Variants in ZMYND11 observed in about 807,000 individuals in gnomAD.
ZMYND11 encodes the protein zinc finger MYND domain-containing protein 11.
Under a neutral mutation model 84.9 loss-of-function variants are expected in ZMYND11, and 9 were observed. The ratio of observed to expected loss-of-function variants is 0.11; its 90% CI spans 0.06 to 0.18. ZMYND11 has a LOEUF of 0.18. Ranked by LOEUF, ZMYND11 falls within the 10% of genes least tolerant of loss-of-function variation. The pLI is 1.00. For missense variants in ZMYND11, 409 were observed against 761.0 expected (o/e 0.54, Z 5.44); for synonymous variants, 250 against 244.1 (o/e 1.02, Z -0.23).
chr10:251,154 G>A (rs546369427), intron 14 of ZMYND11, among the ~76,000 whole-genome samples: 3 of 152,324 alleles, frequency 2.0e-5, no homozygotes, highest in South Asian at 4.1e-4. Flanking sequence ...ACAGATAGAT[G>A]TATCCATTAA....
chr10:133,056 C>A (rs550861560), upstream of ZMYND11, among the ~76,000 whole-genome samples: 14 of 152,348 alleles, frequency 9.2e-5, no homozygotes, highest in Middle Eastern at 6.8e-3. Flanking sequence ...CACACACATT[C>A]ATTCAGCTGA....
At chr10:241,325 ACG>A (rs1950864293) in intron 9 of ZMYND11, among the ~76,000 whole-genome samples, 1 of 152,032 alleles carries the variant, frequency 6.6e-6, no homozygotes, top group Non-Finnish European at 1.5e-5. Flanking sequence ...CCACAGGCAC[ACG>A]CCACCACACC....
intron 2 of ZMYND11, among the ~76,000 whole-genome samples, chr10:191,222 A>G (rs1940299105): frequency 6.6e-6 from 1 of 152,184 alleles, no homozygotes; most frequent in Non-Finnish European, 1.5e-5. Flanking sequence ...AAAGCTTAGG[A>G]AGGTAAAATG....
chr10:245,442 A>G (rs1021807223), intron 10 of ZMYND11, among the ~76,000 whole-genome samples: 5 of 152,228 alleles, frequency 3.3e-5, no homozygotes, highest in African/African-American at 7.2e-5. Flanking sequence ...CTGGAGCGCT[A>G]TAATTACAGG....
At chr10:231,082 T>G (rs1031588753) in intron 4 of ZMYND11, among the ~76,000 whole-genome samples, 6 of 152,378 alleles carry the variant, frequency 3.9e-5, no homozygotes, top group African/African-American at 1.4e-4. Context: ...TCCAAAAGTT[T>G]TATCGGAACA....
chr10:251,186 A>G (rs1212840790), intron 14 of ZMYND11, among the ~76,000 whole-genome samples: 2 of 152,218 alleles, frequency 1.3e-5, no homozygotes, highest in African/African-American at 2.4e-5. Context: ...GAAAGGGAGA[A>G]ATTGAAAACG....
chr10:237,019 C>G, intron 5 of ZMYND11, 104 bp downstream of exon 5: 2 of 1,096,634 alleles, frequency 1.8e-6, no homozygotes, highest in Non-Finnish European at 2.6e-6. Flanking sequence ...ATGTACATAG[C>G]AATATGAAGT....
intron 10 of ZMYND11, among the ~76,000 whole-genome samples, chr10:242,756 A>G (rs935676440): frequency 6.6e-6 from 1 of 152,238 alleles, no homozygotes; most frequent in Non-Finnish European, 1.5e-5. Context: ...TTATTAGTGC[A>G]TAGAGAAGCT....
chr10:214,719 A>G (rs1945857324), intron 3 of ZMYND11, among the ~76,000 whole-genome samples: 1 of 152,170 alleles, frequency 6.6e-6, no homozygotes, highest in African/African-American at 2.4e-5. Flanking sequence ...TTGTAGGCTC[A>G]TATGTTGCTT....
At chr10:204,174 C>G (rs1030591024) in intron 2 of ZMYND11, among the ~76,000 whole-genome samples, 2 of 152,052 alleles carry the variant, frequency 1.3e-5, no homozygotes, top group Non-Finnish European at 2.9e-5. Flanking sequence ...TAAGGTAGGG[C>G]TCCCTCTCCT....
chr10:156,143 C>T (rs1841663486), intron 1 of ZMYND11, among the ~76,000 whole-genome samples: 2 of 152,110 alleles, frequency 1.3e-5, no homozygotes, highest in South Asian at 2.1e-4. Context: ...TGGGTAAAGG[C>T]CAGGGATGCT....
In ZMYND11 at chr10:221,365, CTA is replaced by C. The variant is rs1181458436; in HGVS notation, c.438+11_438+12del. 1 of 1,612,268 alleles carries C rather than the reference CTA, an allele frequency of 6.2e-7. No individual in the cohort carries two copies. The highest frequency in any genetic ancestry group is 2.2e-5 in the East Asian group (1 of 44,840). Reference sequence around the variant, plus strand: ...AGTGCCCAGTTTGCAGGGTGAGTACCTATGAGCTTTCCTGTGCTGGTTAGAGG... The same window carrying C: ...AGTGCCCAGTTTGCAGGGTGAGTACCTGAGCTTTCCTGTGCTGGTTAGAGG... On this transcript the variant is annotated intron_variant, in intron 4 of 14. Transcript: ENST00000381604.
intron 8 of ZMYND11, among the ~76,000 whole-genome samples, chr10:240,443 G>T (rs1182243736): frequency 6.6e-6 from 1 of 152,238 alleles, no homozygotes; most frequent in Non-Finnish European, 1.5e-5. Context: ...GGTGGAGGTT[G>T]CAGTGAGCCA....
chr10:242,007 C>G lies in ZMYND11; in HGVS notation c.832-14C>G. 1 of 1,613,308 alleles carries G rather than the reference C, an allele frequency of 6.2e-7. No individual in the cohort carries two copies. The highest frequency in any genetic ancestry group is 8.5e-7 in the Non-Finnish European group (1 of 1,179,646). On this transcript the variant is annotated splice_polypyrimidine_tract_variant and intron_variant, in intron 9 of 14. Coordinates refer to ENST00000381604, the MANE Select transcript of ZMYND11 (RefSeq NM_001370100.5). ...TTAAAAGTAATATAACAAGGTAAAA[C>G]ATTTAATTTCCAGATACCTAATCAT...
rs145443484 is a variant in ZMYND11, at chr10:242,164, G to A, written c.950+25G>A. The A allele has an allele frequency of 1.3e-4, 206 of 1,613,406 alleles. 1 individual carries two copies. The East Asian group carries it at 3.1e-3, about 24-fold the overall frequency. On this transcript the variant is annotated intron_variant, in intron 10 of 14. Coordinates refer to ENST00000381604, the MANE Select transcript of ZMYND11 (RefSeq NM_001370100.5). Reference sequence around the variant, plus strand: ...GGTAATTTGTGATCCCATGTTCAGCGGTCACAGCTGTGCTTATGAAGTCCT... The same window carrying A: ...GGTAATTTGTGATCCCATGTTCAGCAGTCACAGCTGTGCTTATGAAGTCCT...
At chr10:191,750 A>G (rs1386542628) in intron 2 of ZMYND11, among the ~76,000 whole-genome samples, 1 of 152,236 alleles carries the variant, frequency 6.6e-6, no homozygotes, top group Non-Finnish European at 1.5e-5. Flanking sequence ...CTCTACCCGA[A>G]TTCAAATCAG....
intron 3 of ZMYND11, among the ~76,000 whole-genome samples, chr10:213,168 C>T (rs1945560239): frequency 6.6e-6 from 1 of 151,988 alleles, no homozygotes. Context: ...TTTAGGAAGC[C>T]CCATCCACAT....
At chr10:243,354 T>C (rs912893628) in intron 10 of ZMYND11, among the ~76,000 whole-genome samples, 1 of 152,190 alleles carries the variant, frequency 6.6e-6, no homozygotes, top group Non-Finnish European at 1.5e-5. Context: ...TCACATTAAA[T>C]AAAACACAGT....
chr10:247,110 A>C, intron 11 of ZMYND11, 137 bp downstream of exon 11: 1 of 960,802 alleles, frequency 1.0e-6, no homozygotes, highest in Non-Finnish European at 1.6e-6. Flanking sequence ...GCTCTGCAAA[A>C]CTAAACCAAA....
Sources: allele counts gnomAD v4.1 joint callset (sites outside exome capture counted in the v4.1 genomes callset), GRCh38; gene constraint gnomAD v4.1.1; transcripts MANE v1.5; gene names NCBI Gene and HGNC (gene_info 2026-07-23, HGNC 2026-07-21).